Variants in EML2 observed in about 807,000 individuals in gnomAD.
EML2 encodes the protein echinoderm microtubule-associated protein-like 2.
EML2 carries 59 observed loss-of-function variants against 84.7 expected under a neutral mutation model. The ratio of observed to expected loss-of-function variants is 0.70; its 90% CI spans 0.56 to 0.86. EML2 has a LOEUF of 0.86. EML2 is among the 40% of genes least tolerant of loss of function. The probability of loss-of-function intolerance (pLI) is 0.00; values close to 1 mark genes in which losing one functional copy is unlikely to be tolerated. For synonymous variants in EML2, 352 were observed against 348.9 expected, an observed-to-expected ratio of 1.01 and a Z score of -0.10; for missense variants, 818 against 855.6, an observed-to-expected ratio of 0.96 and a Z score of 0.55.
intron 6 of EML2, among the ~76,000 whole-genome samples, chr19:45,630,688 ACTCATTT>A (rs1382295112): frequency 6.6e-6 from 1 of 151,908 alleles, no homozygotes; most frequent in African/African-American, 2.4e-5. Flanking sequence ...TCCCTAATAA[ACTCATTT>A]CATTTGCCCT....
chr19:45,625,861 CCTGTTTTTGTTTTT>C (rs1972254456), intron 8 of EML2, among the ~76,000 whole-genome samples: 1 of 151,742 alleles, frequency 6.6e-6, no homozygotes, highest in African/African-American at 2.4e-5. Context: ...CCGCAGCACC[CCTGTTTTTGTTTTT>C]GTTTTTGTTT....
In EML2 at chr19:45,609,679, T is replaced by C; in HGVS notation, c.1934A>G (p.Gln645Arg). 4 of 1,608,922 alleles carry C rather than the reference T, an allele frequency of 2.5e-6. No homozygotes were observed. The highest frequency in any genetic ancestry group is 2.5e-6 in the Non-Finnish European group (3 of 1,178,380). Residue 645 changes from glutamine to arginine, a missense_variant, in exon 19 of 19, where the codon CAG becomes CGG. Coordinates refer to ENST00000245925, the MANE Select transcript of EML2 (RefSeq NM_012155.4). ...CTGGCCGCATCAGACCACCCGCCAC[T>C]GTAGCACACTGGTGTCCTTGCCCCC... ...TTGGKDTSVL[Q>R]WRVV
intron 3 of EML2, among the ~76,000 whole-genome samples, chr19:45,637,667 C>CTTTTTTTTTTTTTTTTT (rs58180181): frequency 6.1e-5 from 3 of 48,894 alleles, no homozygotes; most frequent in Non-Finnish European, 8.0e-5. Context: ...TTTTTCTTTT[C>CTTTTTTTTTTTTTTTTT]TTTTTTTTTT....
At chr19:45,644,272 T>A (rs1035270285), upstream of EML2, among the ~76,000 whole-genome samples, 6 of 152,144 alleles carry the variant, frequency 3.9e-5, no homozygotes, top group African/African-American at 1.4e-4. Context: ...GGAAGGTTAC[T>A]GAAGCCCAGA....
At chr19:45,621,366 A>T in intron 10 of EML2, 34 bp from the exon 11 acceptor site, 2 of 1,582,774 alleles carry the variant, frequency 1.3e-6, no homozygotes, top group Non-Finnish European at 1.7e-6. Flanking sequence ...GATGAGTAGG[A>T]TGCACACGGG....
chr19:45,630,041 T>C lies in EML2; in HGVS notation c.516A>G (p.Gly172=), dbSNP rs886571955. The change falls in exon 7 of 19, where the codon GGA becomes GGG. Residue 172 remains glycine (G), a synonymous_variant. Coordinates refer to ENST00000245925, the MANE Select transcript of EML2 (RefSeq NM_012155.4). ...CATCCACTGCACACAGCAGGTTGCCTCCATTCTAAAGAGGAGGAGAGAGGA... is the reference window on the plus strand; with the variant it reads ...CATCCACTGCACACAGCAGGTTGCCCCCATTCTAAAGAGGAGGAGAGAGGA... ...VCCVGFSKSN[G]GNLLCAVDES... The C allele has an allele frequency of 1.2e-6, 2 of 1,610,904 alleles. No individual in the cohort carries two copies. The highest frequency in any genetic ancestry group is 1.7e-6 in the Non-Finnish European group (2 of 1,178,772).
chr19:45,630,336 G>A (rs10164339), intron 6 of EML2, among the ~76,000 whole-genome samples: 52,622 of 151,296 alleles, frequency 0.35, 9,362 homozygotes, highest in East Asian at 0.4. Context: ...GGTGGATCAC[G>A]AGGTCAGGAG....
At chr19:45,633,711 C>G (rs1313869890) in intron 4 of EML2, among the ~76,000 whole-genome samples, 2 of 151,930 alleles carry the variant, frequency 1.3e-5, no homozygotes, top group Non-Finnish European at 2.9e-5. Context: ...GGACTCCAGC[C>G]TAGGCGACAG....
chr19:45,643,804 C>T (rs1012574882), upstream of EML2: 3 of 1,452,172 alleles, frequency 2.1e-6, no homozygotes, highest in African/African-American at 2.8e-5. Context: ...CCCCACTCAG[C>T]GCCTCCCAGG....
chr19:45,641,406 C>CT (rs1555767520), upstream of EML2: 1 of 532,172 alleles, frequency 1.9e-6, no homozygotes, highest in South Asian at 2.1e-5. Flanking sequence ...TAGACCTGAC[C>CT]GTCCAGCTTC....
At chr19:45,645,145 C>A (rs1336634235), upstream of EML2, 1 of 1,107,462 alleles carries the variant, frequency 9.0e-7, no homozygotes. Flanking sequence ...CAGGGTCCTG[C>A]TGAGGGAGAG....
chr19:45,636,823 A>AT (rs990481423), intron 3 of EML2, among the ~76,000 whole-genome samples: 2 of 152,260 alleles, frequency 1.3e-5, no homozygotes, highest in African/African-American at 4.8e-5. Context: ...ATGGTGGCCC[A>AT]TGCCACCCAG....
At chr19:45,619,696 G>A (rs957300548) in intron 11 of EML2, among the ~76,000 whole-genome samples, 1 of 152,162 alleles carries the variant, frequency 6.6e-6, no homozygotes, top group African/African-American at 2.4e-5. Flanking sequence ...CAGTTTGATC[G>A]CCTGTAAAAT....
chr19:45,633,008 A>C, intron 5 of EML2, 37 bp from the exon 6 acceptor site: 1 of 1,595,318 alleles, frequency 6.3e-7, no homozygotes, highest in Non-Finnish European at 8.5e-7. Context: ...TGGGGGTGCC[A>C]GCTGCTTGTC....
At chr19:45,614,869 C>T (rs3816046) in intron 16 of EML2, 169 bp from the exon 17 acceptor site, 177,354 of 582,636 alleles carry the variant, frequency 0.3, 28,540 homozygotes, top group East Asian at 0.41. Context: ...GGGGTCTTCA[C>T]AGCCCGCAGC....
In EML2 at chr19:45,617,671, G is replaced by A; in HGVS notation, c.1281C>T (p.His427=). The change falls in exon 13 of 19, where the codon CAC becomes CAT. Residue 427 remains histidine (H), a synonymous_variant. Transcript: ENST00000245925. ...IEDPARSAGF[H]PSGSVLAVGT... The stretch of plus-strand genomic sequence containing the variant: ...CCACAGCCAGGACAGAGCCACTGGG[G>A]TGGAAGCCGGCTGAGCGGGCAGGGT... The A allele has an allele frequency of 6.2e-7, 1 of 1,613,968 alleles. No homozygotes were observed. The highest frequency in any genetic ancestry group is 8.5e-7 in the Non-Finnish European group (1 of 1,179,926).
chr19:45,611,176 G>A (rs529753705), intron 18 of EML2, among the ~76,000 whole-genome samples: 40 of 152,262 alleles, frequency 2.6e-4, no homozygotes, highest in African/African-American at 8.9e-4. Context: ...TTGGGAGGCC[G>A]AGGCAGGCAG....
In EML2 at chr19:45,626,628, G is replaced by A. The variant is rs112725617; in HGVS notation, c.741+77C>T. On this transcript the variant is annotated intron_variant, in intron 8 of 18. Coordinates refer to ENST00000245925, the MANE Select transcript of EML2 (RefSeq NM_012155.4). ...ATCCCAAACCCCTGCCACCCTCTGG[G>A]GGATCTTGCTACCTCCCTGCCTGTC... is the stretch of plus-strand genomic sequence containing the variant. 1.8e-4 allele frequency: 276 copies of A among 1,504,854 alleles called. No homozygotes were observed. In the African/African-American group the frequency reaches 3.3e-3, roughly 18 times the overall value. The allele number at this position is 1,504,854 out of a possible 1,614,324, so 93.2% of individuals were successfully genotyped here.
chr19:45,621,773 G>A, intron 9 of EML2, 136 bp from the exon 10 acceptor site: 1 of 1,022,172 alleles, frequency 9.8e-7, no homozygotes, highest in Non-Finnish European at 1.4e-6. Flanking sequence ...TTGAGACGGA[G>A]TCTCTCTGTT....
Sources: allele counts gnomAD v4.1 joint callset (sites outside exome capture counted in the v4.1 genomes callset), GRCh38; gene constraint gnomAD v4.1.1; transcripts MANE v1.5; gene names NCBI Gene and HGNC (gene_info 2026-07-23, HGNC 2026-07-21).